Variants in CDK5RAP1 observed in about 807,000 individuals in gnomAD.
CDK5RAP1 encodes the protein mitochondrial tRNA methylthiotransferase CDK5RAP1.
A neutral mutation model predicts 64.5 loss-of-function variants in CDK5RAP1; 62 were observed. The observed-to-expected ratio is 0.96, with a 90% CI of 0.78 to 1.19. CDK5RAP1 has a LOEUF of 1.19. Ranked by LOEUF, CDK5RAP1 falls within the 50% of genes most tolerant of loss-of-function variation. The probability of loss-of-function intolerance (pLI) is 0.00; values close to 1 mark genes in which losing one functional copy is unlikely to be tolerated. For synonymous variants in CDK5RAP1, 250 were observed against 261.9 expected (o/e 0.95, Z 0.44); for missense variants, 657 against 735.0 (o/e 0.89, Z 1.23).
At chr20:33,400,248 G>C (rs1442553351) in intron 1 of CDK5RAP1, among the ~76,000 whole-genome samples, 1 of 152,230 alleles carries the variant, frequency 6.6e-6, no homozygotes, top group East Asian at 1.9e-4. Flanking sequence ...CTACCACCTA[G>C]GGTTAGGGGA....
Position 33,370,262 on chromosome 20 carries a change from C to T in CDK5RAP1, c.1392+237G>A, listed in dbSNP as rs527473517. 2.0e-5 allele frequency among the ~76,000 whole-genome samples: 3 copies of T among 152,246 alleles called. No individual in the cohort carries two copies. In the South Asian group the frequency reaches 6.2e-4, roughly 32 times the overall value. On this transcript the variant is annotated intron_variant, in intron 11 of 13. Coordinates refer to ENST00000346416, the MANE Select transcript of CDK5RAP1 (RefSeq NM_016408.4). The stretch of plus-strand genomic sequence containing the variant: ...ATATTCAAATTGCAAACAATCTAAA[C>T]ATAATTTTAAAATATTTTAATGAGG...
chr20:33,396,914 C>T lies in CDK5RAP1; in HGVS notation c.151G>A (p.Ala51Thr), dbSNP rs996715811. The change falls in exon 2 of 14, where the codon GCT becomes ACT. Residue 51 changes from alanine (A) to threonine (T), a missense_variant. Physicochemically the swap from Ala to Thr is moderately conservative, Grantham distance 58. Transcript: ENST00000346416. ...AGCCTGGAGCTGAAATCCTTCCGAGCTCCATCCTCCTGCCTCTCTGGACTG... is the reference window on the plus strand; with the variant it reads ...AGCCTGGAGCTGAAATCCTTCCGAGTTCCATCCTCCTGCCTCTCTGGACTG... ...CPSPERQEDG[A>T]RKDFSSRLAA... 8.1e-6 allele frequency: 13 copies of T among 1,614,074 alleles called. No individual in the cohort carries two copies. The African/African-American group carries it at 1.1e-4, about 13-fold the overall frequency.
At chr20:33,371,477 G>A (rs1355254611) in intron 10 of CDK5RAP1, among the ~76,000 whole-genome samples, 1 of 152,060 alleles carries the variant, frequency 6.6e-6, no homozygotes, top group African/African-American at 2.4e-5. Flanking sequence ...CAAAACGAAA[G>A]TATTTGTCCA....
chr20:33,380,837 C>T (rs887474945), intron 7 of CDK5RAP1, among the ~76,000 whole-genome samples: 11 of 152,004 alleles, frequency 7.2e-5, no homozygotes, highest in African/African-American at 2.2e-4. Context: ...CCCTTCTCTA[C>T]TAAAAATACA....
rs1392803929 is a variant in CDK5RAP1, at chr20:33,387,306, C to A, written c.755+17G>T. 4.4e-6 allele frequency: 7 copies of A among 1,589,220 alleles called. No homozygotes were observed. The highest frequency in any genetic ancestry group is 5.2e-6 in the Non-Finnish European group (6 of 1,158,286). On this transcript the variant is annotated intron_variant, in intron 6 of 13. Transcript: ENST00000346416. ...GGAGGAAGAGGCTTATTCCCTATCTCTTAGGCAGTGACTCACACAAAGGCA... is the reference window on the plus strand; with the variant it reads ...GGAGGAAGAGGCTTATTCCCTATCTATTAGGCAGTGACTCACACAAAGGCA...
intron 7 of CDK5RAP1, chr20:33,383,333 G>C (rs924801675): frequency 6.6e-6 from 1 of 151,638 alleles, no homozygotes; most frequent in African/African-American, 2.4e-5. Context: ...GAGGCCAGGC[G>C]TAGTGGGCTC....
chr20:33,384,378 G>T (rs1987151004), intron 7 of CDK5RAP1, among the ~76,000 whole-genome samples: 1 of 152,170 alleles, frequency 6.6e-6, no homozygotes, highest in Non-Finnish European at 1.5e-5. Flanking sequence ...TATTTAAACA[G>T]AATGTCTCTA....
chr20:33,389,087 C>G (rs573583266), intron 5 of CDK5RAP1, among the ~76,000 whole-genome samples: 17 of 151,680 alleles, frequency 1.1e-4, no homozygotes, highest in African/African-American at 3.9e-4. Flanking sequence ...GGCCGCCCAT[C>G]GTCTGGGATG....
chr20:33,372,913 CT>C (rs11291803), intron 9 of CDK5RAP1: 108,344 of 201,286 alleles, frequency 0.54, 21,880 homozygotes, highest in Admixed American at 0.64. Context: ...AGGACATAAA[CT>C]TTTTTTTTTT....
Position 33,379,246 on chromosome 20 carries a change from G to A in CDK5RAP1, c.1107+215C>T, listed in dbSNP as rs559027502. 5.9e-5 allele frequency among the ~76,000 whole-genome samples: 9 copies of A among 152,180 alleles called. No homozygotes were observed. In the East Asian group the frequency reaches 1.2e-3, roughly 20 times the overall value. On this transcript the variant is annotated intron_variant, in intron 8 of 13. Coordinates refer to ENST00000346416, the MANE Select transcript of CDK5RAP1 (RefSeq NM_016408.4). ...GCTCAAGTAATCCACCTGCCTCAGC[G>A]TCTCCAAGTGTTGAGATTATTGGTG...
At chr20:33,394,158 T>C in intron 3 of CDK5RAP1, 92 bp from the exon 4 acceptor site, 1 of 921,502 alleles carries the variant, frequency 1.1e-6, no homozygotes, top group Non-Finnish European at 1.7e-6. Flanking sequence ...TTATTATTTT[T>C]TTTTCCTTTT....
At chr20:33,359,574 G>A (rs932708837) in intron 13 of CDK5RAP1, 3 of 165,308 alleles carry the variant, frequency 1.8e-5, no homozygotes, top group Admixed American at 1.7e-4. Context: ...TATCATAAGA[G>A]CAAGTCAGTC....
intron 5 of CDK5RAP1, among the ~76,000 whole-genome samples, chr20:33,388,116 T>C (rs1303326950): frequency 6.6e-6 from 1 of 151,534 alleles, no homozygotes; most frequent in Non-Finnish European, 1.5e-5. Flanking sequence ...TTTCAAGACA[T>C]GAACCATGTC....
rs1030845651 is a variant in CDK5RAP1, at chr20:33,401,436, G to A, written c.-29C>T. On this transcript the variant is annotated 5_prime_UTR_variant, in exon 1 of 14. Transcript: ENST00000346416. ...GCGGCCGCGCTGCTCACCTCCCGCAGCAGCAACAGTGCCCGGGGTCCCGCA... is the reference window on the plus strand; with the variant it reads ...GCGGCCGCGCTGCTCACCTCCCGCAACAGCAACAGTGCCCGGGGTCCCGCA... The A allele has an allele frequency of 3.0e-6, 3 of 985,386 alleles. No homozygotes were observed. The highest frequency in any genetic ancestry group is 1.1e-4 in the East Asian group (1 of 8,828). The allele number at this position is 985,386 out of a possible 1,614,324, so 61.0% of individuals were successfully genotyped here. A position where few individuals can be genotyped will look rare whatever the true frequency, so the allele number is the denominator to read the frequency against.
intron 10 of CDK5RAP1, among the ~76,000 whole-genome samples, chr20:33,371,797 A>G (rs1255295760): frequency 2.6e-5 from 4 of 152,154 alleles, no homozygotes; most frequent in Non-Finnish European, 5.9e-5. Context: ...AAAAAGTTGT[A>G]ATAATTAGAA....
intron 5 of CDK5RAP1, among the ~76,000 whole-genome samples, chr20:33,389,926 T>C (rs1283245009): frequency 1.4e-5 from 2 of 142,964 alleles, no homozygotes; most frequent in Non-Finnish European, 3.0e-5. Flanking sequence ...GTACTACATA[T>C]ACACAATGGA....
intron 12 of CDK5RAP1, among the ~76,000 whole-genome samples, chr20:33,363,509 C>T (rs1731697730): frequency 6.6e-6 from 1 of 152,090 alleles, no homozygotes; most frequent in African/African-American, 2.4e-5. Flanking sequence ...CAGCAACTTA[C>T]TCTGAAATGA....
At chr20:33,401,539 G>A, upstream of CDK5RAP1, 1 of 985,416 alleles carries the variant, frequency 1.0e-6, no homozygotes, top group Non-Finnish European at 1.2e-6. Flanking sequence ...CCGTTCCGCC[G>A]CTACTTCAGG....
At chr20:33,372,567 T>C in intron 10 of CDK5RAP1, 75 bp downstream of exon 10, 1 of 654,538 alleles carries the variant, frequency 1.5e-6, no homozygotes. Context: ...ATGCCAAAGG[T>C]GTTGACTGTA....
Sources: gnomAD v4.1 joint callset for allele counts (sites outside exome capture counted in the v4.1 genomes callset) on GRCh38, gnomAD v4.1.1 for gene constraint, MANE v1.5 for transcripts, NCBI Gene and HGNC (gene_info 2026-07-23, HGNC 2026-07-21) for gene names.